PBRM1: variants seen among roughly 807,000 people sequenced by gnomAD.
The protein encoded by PBRM1 is polybromo 1, also known as protein polybromo-1.
Under a neutral mutation model 194.5 loss-of-function variants are expected in PBRM1, and 27 were observed. The observed-to-expected ratio is 0.14, with a 90% CI of 0.10 to 0.19. The LOEUF (loss-of-function observed/expected upper bound fraction) is 0.19. Among genes scored for constraint, PBRM1 ranks in the 10% least tolerant of loss-of-function variants. PBRM1 has a pLI of 1.00. For synonymous variants in PBRM1, 655 were observed against 693.2 expected, an observed-to-expected ratio of 0.94 and a Z score of 0.87; for missense variants, 1,466 against 2,077.2, an observed-to-expected ratio of 0.71 and a Z score of 5.72.
chr3:52,683,024 AC>A (rs1342133538), upstream of PBRM1, among the ~76,000 whole-genome samples: 1 of 151,716 alleles, frequency 6.6e-6, no homozygotes, highest in East Asian at 1.9e-4. Context: ...ACACGGTGAA[AC>A]CCCGTCTCCA....
chr3:52,581,912 A>G (rs192521746), intron 20 of PBRM1, among the ~76,000 whole-genome samples: 17 of 152,296 alleles, frequency 1.1e-4, no homozygotes, highest in African/African-American at 4.1e-4. Context: ...ATGGGATTAC[A>G]GGCATGAGCC....
chr3:52,550,738 G>A lies in PBRM1; in HGVS notation c.4680+9C>T. 6.2e-7 allele frequency: 1 copy of A among 1,607,160 alleles called. No individual in the cohort carries two copies. On this transcript the variant is annotated intron_variant, in intron 28 of 29. Coordinates refer to ENST00000296302, the Ensembl canonical transcript of PBRM1. ...GTCAAGTCCTAGAAAATCAAACTGG[G>A]AGGCTCACCTGTTGTCCATATGGAC...
chr3:52,602,184 T>C (rs1292910374), intron 17 of PBRM1, among the ~76,000 whole-genome samples: 3 of 152,172 alleles, frequency 2.0e-5, no homozygotes, highest in Non-Finnish European at 4.4e-5. Flanking sequence ...TTGGAGCTGT[T>C]TTTCATCAAT....
At chr3:52,649,946 G>A (rs958140027) in intron 6 of PBRM1, among the ~76,000 whole-genome samples, 1 of 152,088 alleles carries the variant, frequency 6.6e-6, no homozygotes, top group African/African-American at 2.4e-5. Context: ...AGATAGAGAT[G>A]ATTAAAGATC....
At chr3:52,638,819 G>GTC (rs2095936144) in intron 10 of PBRM1, among the ~76,000 whole-genome samples, 1 of 151,752 alleles carries the variant, frequency 6.6e-6, no homozygotes, top group Non-Finnish European at 1.5e-5. Flanking sequence ...GGCTGGTCTT[G>GTC]AACTCCTGGA....
intron 3 of PBRM1, among the ~76,000 whole-genome samples, chr3:52,667,226 G>A (rs2096857616): frequency 6.6e-6 from 1 of 151,978 alleles, no homozygotes; most frequent in Non-Finnish European, 1.5e-5. Context: ...ACTAATAGAA[G>A]AATATCTTGG....
At chr3:52,644,895 A>G in intron 7 of PBRM1, 106 bp from the exon 9 acceptor site, 1 of 526,134 alleles carries the variant, frequency 1.9e-6, no homozygotes, top group South Asian at 2.4e-5. Context: ...TTCTACTTGG[A>G]GCAGACTTCC....
chr3:52,681,260 A>C (rs1456829129), upstream of PBRM1: 1 of 151,970 alleles, frequency 6.6e-6, no homozygotes, highest in African/African-American at 2.4e-5. Context: ...CAAAAGAATC[A>C]CATTTGAAAA....
intron 11 of PBRM1, among the ~76,000 whole-genome samples, chr3:52,630,156 T>C (rs2095570943): frequency 6.6e-6 from 1 of 151,560 alleles, no homozygotes; most frequent in African/African-American, 2.4e-5. Context: ...TGACAACGAA[T>C]AATAAACCTG....
intron 10 of PBRM1, among the ~76,000 whole-genome samples, chr3:52,639,219 G>C (rs953673569): frequency 2.0e-5 from 3 of 151,782 alleles, no homozygotes; most frequent in Non-Finnish European, 4.4e-5. Flanking sequence ...CAGGTGATCT[G>C]CCCACCTCAG....
chr3:52,665,258 G>A (rs573853541), intron 3 of PBRM1, among the ~76,000 whole-genome samples: 2 of 152,066 alleles, frequency 1.3e-5, no homozygotes, highest in Non-Finnish European at 2.9e-5. Flanking sequence ...GGGCTCAAAT[G>A]ATCCTTCCAC....
intron 10 of PBRM1, among the ~76,000 whole-genome samples, chr3:52,640,818 T>C (rs942932895): frequency 4.6e-5 from 7 of 151,884 alleles, no homozygotes; most frequent in Non-Finnish European, 8.8e-5. Flanking sequence ...TTTGTATTTT[T>C]AGTAGAGACA....
chr3:52,636,785 A>AAAG (rs1464129829), intron 10 of PBRM1, among the ~76,000 whole-genome samples: 1 of 147,402 alleles, frequency 6.8e-6, no homozygotes, highest in African/African-American at 2.5e-5. Flanking sequence ...AAAAAAAAAA[A>AAAG]AGAATTTAAT....
chr3:52,610,041 T>G, intron 15 of PBRM1, 86 bp from the exon 18 acceptor site: 1 of 774,572 alleles, frequency 1.3e-6, no homozygotes, highest in Non-Finnish European at 1.9e-6. Flanking sequence ...AAGGGACGAT[T>G]CCAAGTAATT....
intron 20 of PBRM1, among the ~76,000 whole-genome samples, chr3:52,581,601 A>C (rs989422126): frequency 9.2e-5 from 14 of 151,834 alleles, no homozygotes; most frequent in African/African-American, 3.1e-4. Flanking sequence ...TGAGATTAAT[A>C]ATACCTTTTC....
chr3:52,617,594 T>A, intron 13 of PBRM1, 56 bp from the exon 16 acceptor site: 14 of 1,299,528 alleles, frequency 1.1e-5, no homozygotes, highest in African/African-American at 1.5e-5. Flanking sequence ...GTTTTCTTAA[T>A]ATACGGATGA....
intron 11 of PBRM1, among the ~76,000 whole-genome samples, chr3:52,633,769 G>A (rs184514018): frequency 1.3e-5 from 2 of 152,196 alleles, no homozygotes; most frequent in East Asian, 3.9e-4. Flanking sequence ...GTGATGCTGA[G>A]CACCTTTTCA....
At chr3:52,638,339 A>C (rs1227785456) in intron 10 of PBRM1, among the ~76,000 whole-genome samples, 1 of 151,596 alleles carries the variant, frequency 6.6e-6, no homozygotes, top group Non-Finnish European at 1.5e-5. Context: ...GTATTTTCTA[A>C]GTGGGAATAT....
At chr3:52,634,921 A>G in intron 10 of PBRM1, 106 bp from the exon 12 acceptor site, 1 of 789,376 alleles carries the variant, frequency 1.3e-6, no homozygotes, top group Admixed American at 2.6e-5. Flanking sequence ...ATATATTTGA[A>G]AACTATTATT....
Sources: allele counts gnomAD v4.1 joint callset (sites outside exome capture counted in the v4.1 genomes callset), GRCh38; gene constraint gnomAD v4.1.1; transcripts MANE v1.5; gene names NCBI Gene and HGNC (gene_info 2026-07-23, HGNC 2026-07-21).